The following FAM107B variants were observed in gnomAD, a reference collection of about 807,000 sequenced individuals.
FAM107B encodes family with sequence similarity 107 member B, also known as protein FAM107B.
In FAM107B, 21 loss-of-function variants were observed where a neutral mutation model predicts 31.5. That is an observed-to-expected ratio of 0.67 (90% confidence interval 0.47 to 0.96). The LOEUF (loss-of-function observed/expected upper bound fraction) is 0.96. Ranked by LOEUF, FAM107B falls within the 40% of genes least tolerant of loss-of-function variation. The pLI, the probability that FAM107B is intolerant of heterozygous loss-of-function variation, is 0.00. For synonymous variants in FAM107B, 157 were observed against 141.5 expected, an observed-to-expected ratio of 1.11 and a Z score of -0.78; for missense variants, 452 against 377.1, an observed-to-expected ratio of 1.20 and a Z score of -1.64.
intron 1 of FAM107B, among the ~76,000 whole-genome samples, chr10:14,748,857 A>G (rs977870254): frequency 2.6e-5 from 4 of 152,174 alleles, no homozygotes; most frequent in African/African-American, 9.7e-5. Flanking sequence ...ATGTAGCACA[A>G]CGAAAACCAG....
chr10:14,607,078 A>G (rs540030369), intron 2 of FAM107B, among the ~76,000 whole-genome samples: 116 of 152,344 alleles, frequency 7.6e-4, no homozygotes, highest in African/African-American at 2.5e-3. Flanking sequence ...ATGCAAGGCC[A>G]CAGGCAGAGT....
intron 1 of FAM107B, among the ~76,000 whole-genome samples, chr10:14,734,115 T>C (rs1856237806): frequency 1.3e-5 from 2 of 152,238 alleles, no homozygotes; most frequent in South Asian, 4.1e-4. Context: ...TACAACTTCT[T>C]GTTCTGAAAA....
At position 14,643,533 on chromosome 10, in the gene FAM107B, C is replaced by T. The variant is rs573023801; in HGVS notation, c.469+24101G>A. ...TAAGTGATTCTTGTGCCTCAGCCTC[C>T]AGAGCAGATGGGACTACAGACACAT... On this transcript the variant is annotated intron_variant, in intron 2 of 4. Coordinates refer to ENST00000181796, the MANE Select transcript of FAM107B (RefSeq NM_031453.4). Among the ~76,000 whole-genome samples, 7 of 151,904 alleles carry T rather than the reference C, an allele frequency of 4.6e-5. No homozygotes were observed. In the South Asian group the frequency reaches 1.5e-3, roughly 32 times the overall value.
chr10:14,569,710 T>C (rs144235554), intron 2 of FAM107B, among the ~76,000 whole-genome samples: 2 of 152,304 alleles, frequency 1.3e-5, no homozygotes, highest in East Asian at 3.9e-4. Context: ...CTTAAGACCT[T>C]GAGGGAAACC....
At chr10:14,613,859 A>G (rs4617479) in intron 2 of FAM107B, among the ~76,000 whole-genome samples, 148,044 of 152,286 alleles carry the variant, frequency 0.97, 72,105 homozygotes, top group East Asian at 1. Context: ...AGCTGGGGGC[A>G]GTGGCTCACA....
At chr10:14,730,831 C>T (rs759204103) in intron 1 of FAM107B, among the ~76,000 whole-genome samples, 7 of 152,130 alleles carry the variant, frequency 4.6e-5, no homozygotes, top group Admixed American at 3.9e-4. Context: ...TCCTCAGTCC[C>T]GGGCAAACCA....
At chr10:14,726,087 G>A (rs539423969) in intron 1 of FAM107B, among the ~76,000 whole-genome samples, 4 of 151,240 alleles carry the variant, frequency 2.6e-5, no homozygotes, top group South Asian at 2.1e-4. Flanking sequence ...TCCGCCTCCC[G>A]GGTTCAAGCG....
At chr10:14,685,180 G>T (rs1204780887) in intron 1 of FAM107B, among the ~76,000 whole-genome samples, 1 of 131,816 alleles carries the variant, frequency 7.6e-6, no homozygotes, top group Non-Finnish European at 1.6e-5. Flanking sequence ...ACAGGTTCTT[G>T]CTCTGTCACC....
intron 2 of FAM107B, among the ~76,000 whole-genome samples, chr10:14,601,370 C>G (rs1852391265): frequency 6.6e-6 from 1 of 152,152 alleles, no homozygotes; most frequent in Non-Finnish European, 1.5e-5. Context: ...AGGGAAACTT[C>G]AGATGGGTCA....
chr10:14,713,912 G>A (rs1355099605), intron 1 of FAM107B, among the ~76,000 whole-genome samples: 3 of 152,100 alleles, frequency 2.0e-5, no homozygotes, highest in Non-Finnish European at 2.9e-5. Context: ...ATTATTCCAG[G>A]TGAATTAACA....
intron 2 of FAM107B, among the ~76,000 whole-genome samples, chr10:14,656,415 G>A (rs1854056948): frequency 6.6e-6 from 1 of 152,190 alleles, no homozygotes; most frequent in Admixed American, 6.5e-5. Flanking sequence ...TTTCTCTCTT[G>A]GGAGGCTTTG....
intron 2 of FAM107B, among the ~76,000 whole-genome samples, chr10:14,565,434 G>T (rs1205335390): frequency 6.6e-6 from 1 of 152,160 alleles, no homozygotes; most frequent in East Asian, 1.9e-4. Flanking sequence ...CAAGCCTGGG[G>T]TTAGCACACA....
chr10:14,571,736 T>C, intron 2 of FAM107B: 4 of 977,552 alleles, frequency 4.1e-6, no homozygotes, highest in African/African-American at 3.5e-5. Context: ...TCAACAGCCA[T>C]AGAAAAGTCC....
chr10:14,528,405 C>T (rs1300485317), intron 3 of FAM107B, among the ~76,000 whole-genome samples: 1 of 152,108 alleles, frequency 6.6e-6, no homozygotes, highest in East Asian at 1.9e-4. Flanking sequence ...TGGTCTCAAA[C>T]TCCTGACCTC....
chr10:14,548,378 G>A, intron 2 of FAM107B: 1 of 974,358 alleles, frequency 1.0e-6, no homozygotes, highest in Non-Finnish European at 1.2e-6. Context: ...CCAGCTCCAG[G>A]GGAGGTACTT....
At chr10:14,584,605 A>T (rs1373708077) in intron 2 of FAM107B, among the ~76,000 whole-genome samples, 1 of 152,254 alleles carries the variant, frequency 6.6e-6, no homozygotes, top group East Asian at 1.9e-4. Context: ...ACACACGTGC[A>T]GTGCTCTCCC....
rs77286961 is a variant in FAM107B at position 14,607,129 on chromosome 10, G to A, written c.469+60505C>T. Among the ~76,000 whole-genome samples, 105 of 152,270 alleles carry A rather than the reference G, an allele frequency of 6.9e-4. 1 individual carries two copies. Among genetic ancestry groups the A allele is most frequent in the African/African-American group, 2.2e-3 (92 of 41,552 alleles). On this transcript the variant is annotated intron_variant, in intron 2 of 4. Coordinates refer to ENST00000181796, the MANE Select transcript of FAM107B (RefSeq NM_031453.4). ...GTGACCACGGTCTTTTCCCTGCCCC[G>A]TGAGAGAAATAGAAACAAAGGCTCG...
intron 2 of FAM107B, among the ~76,000 whole-genome samples, chr10:14,648,300 G>A (rs1050539850): frequency 2.0e-5 from 3 of 152,202 alleles, no homozygotes; most frequent in African/African-American, 7.2e-5. Flanking sequence ...ATTTGGAGCA[G>A]GTGCAATCAC....
intron 2 of FAM107B, among the ~76,000 whole-genome samples, chr10:14,587,128 G>A (rs978297764): frequency 1.7e-4 from 26 of 152,066 alleles, no homozygotes; most frequent in Admixed American, 1.6e-3. Flanking sequence ...CCTGATAATA[G>A]TCACACTGCA....
Sources: allele counts gnomAD v4.1 joint callset (sites outside exome capture counted in the v4.1 genomes callset), GRCh38; gene constraint gnomAD v4.1.1; transcripts MANE v1.5; gene names NCBI Gene and HGNC (gene_info 2026-07-23, HGNC 2026-07-21).